ATAD2: variants seen among roughly 807,000 people sequenced by gnomAD.
ATAD2 encodes the protein ATPase family AAA domain-containing protein 2.
In ATAD2, 62 loss-of-function variants were observed where a neutral mutation model predicts 168.9. The observed-to-expected ratio is 0.37, with a 90% confidence interval of 0.30 to 0.45. ATAD2 has a LOEUF of 0.45. ATAD2 is among the 20% of genes least tolerant of loss of function. The probability of loss-of-function intolerance (pLI) is 1.00; values close to 1 mark genes in which losing one functional copy is unlikely to be tolerated. For synonymous variants in ATAD2, 613 were observed against 571.6 expected (o/e 1.07, Z -1.03); for missense variants, 1,419 against 1,667.8 (o/e 0.85, Z 2.60).
intron 2 of ATAD2, among the ~76,000 whole-genome samples, chr8:123,378,501 A>G (rs1292850355): frequency 6.6e-6 from 1 of 152,060 alleles, no homozygotes; most frequent in African/African-American, 2.4e-5. Flanking sequence ...CAGGAGTTCG[A>G]GACCAGCCTG....
intron 13 of ATAD2, 39 bp from the exon 14 acceptor site, chr8:123,349,483 G>T: frequency 6.4e-7 from 1 of 1,551,386 alleles, no homozygotes; most frequent in South Asian, 1.1e-5. Context: ...TTAATACTAT[G>T]AACACAGTCT....
intron 8 of ATAD2, among the ~76,000 whole-genome samples, chr8:123,368,007 G>A (rs1829031069): frequency 6.6e-6 from 1 of 151,766 alleles, no homozygotes; most frequent in Non-Finnish European, 1.5e-5. Context: ...TAATATTAAG[G>A]GAAAAAAATT....
intron 21 of ATAD2, among the ~76,000 whole-genome samples, chr8:123,337,081 G>A (rs564788519): frequency 2.0e-5 from 3 of 151,426 alleles, no homozygotes; most frequent in Admixed American, 2.0e-4. Context: ...AAAAAGGGGG[G>A]GCCGAGCATG....
At chr8:123,336,558 C>A in intron 21 of ATAD2, 26 bp from the exon 22 acceptor site, 1 of 1,472,918 alleles carries the variant, frequency 6.8e-7, no homozygotes, top group Non-Finnish European at 9.0e-7. Flanking sequence ...ATGATCAAAT[C>A]ACAAAATTAA....
intron 13 of ATAD2, among the ~76,000 whole-genome samples, chr8:123,350,835 C>G (rs1436178497): frequency 2.0e-5 from 3 of 152,076 alleles, no homozygotes; most frequent in Admixed American, 6.6e-5. Flanking sequence ...CGCCATTCTC[C>G]TGCCTCAGCC....
At chr8:123,393,865 C>A (rs7844363) in intron 1 of ATAD2, among the ~76,000 whole-genome samples, 1 of 151,980 alleles carries the variant, frequency 6.6e-6, no homozygotes, top group East Asian at 1.9e-4. Flanking sequence ...TGCAGCAAGC[C>A]GAGATCACGT....
At chr8:123,384,917 G>A (rs1829604399) in intron 1 of ATAD2, among the ~76,000 whole-genome samples, 1 of 152,142 alleles carries the variant, frequency 6.6e-6, no homozygotes, top group South Asian at 2.1e-4. Context: ...TTGGCGCTCA[G>A]AAGCCCACTA....
intron 1 of ATAD2, among the ~76,000 whole-genome samples, chr8:123,414,487 G>A (rs377673907): frequency 2.6e-5 from 4 of 152,296 alleles, no homozygotes; most frequent in African/African-American, 9.6e-5. Context: ...AGCTGCGCAC[G>A]GTGGTGCGTG....
chr8:123,333,231 CAAAAAAAAAAA>C (rs71310667), intron 24 of ATAD2, among the ~76,000 whole-genome samples: 16 of 43,992 alleles, frequency 3.6e-4, no homozygotes, highest in East Asian at 1.6e-3. Context: ...TCTAAAAATA[CAAAAAAAAAAA>C]AAAAAAAAAA....
At chr8:123,332,032 TTGTG>T (rs1827787738) in intron 24 of ATAD2, among the ~76,000 whole-genome samples, 1 of 152,242 alleles carries the variant, frequency 6.6e-6, no homozygotes, top group South Asian at 2.1e-4. Context: ...CGATCTGTGT[TTGTG>T]TGGTAAGTTT....
chr8:123,378,701 C>CAAAAAAAAAA (rs71808201), intron 2 of ATAD2, among the ~76,000 whole-genome samples: 15 of 73,018 alleles, frequency 2.1e-4, no homozygotes, highest in African/African-American at 3.5e-4. Context: ...GACTGTGTCT[C>CAAAAAAAAAA]AAAAAAAAAA....
At chr8:123,379,565 T>C (rs1829427918) in intron 2 of ATAD2, among the ~76,000 whole-genome samples, 1 of 144,308 alleles carries the variant, frequency 6.9e-6, no homozygotes, top group African/African-American at 2.6e-5. Context: ...CATACTAATT[T>C]TTTTTTTTTT....
At chr8:123,406,049 A>G (rs1345081179) in intron 1 of ATAD2, among the ~76,000 whole-genome samples, 3 of 152,190 alleles carry the variant, frequency 2.0e-5, no homozygotes, top group African/African-American at 7.2e-5. Context: ...TTTTGCTGTT[A>G]GAAGTCAGAA....
upstream of ATAD2, among the ~76,000 whole-genome samples, chr8:123,398,805 A>G (rs542572305): frequency 8.5e-5 from 13 of 152,258 alleles, no homozygotes; most frequent in Admixed American, 3.3e-4. Flanking sequence ...TGCCCAAACA[A>G]TTTTTCTGAT....
chr8:123,415,600 ATT>A (rs11306561), intron 1 of ATAD2, among the ~76,000 whole-genome samples: 53 of 149,996 alleles, frequency 3.5e-4, no homozygotes, highest in South Asian at 1.5e-3. Context: ...GATAAACACT[ATT>A]TTTTTTTTTT....
At chr8:123,359,551 CAT>C (rs771360969) in intron 10 of ATAD2, 24 bp downstream of exon 10, 4 of 1,544,640 alleles carry the variant, frequency 2.6e-6, no homozygotes, top group Non-Finnish European at 2.7e-6. Flanking sequence ...ATAGTTCAAG[CAT>C]ATGTTTCAAA....
intron 6 of ATAD2, among the ~76,000 whole-genome samples, chr8:123,370,570 T>C (rs970210019): frequency 1.3e-5 from 2 of 152,124 alleles, no homozygotes; most frequent in African/African-American, 2.4e-5. Context: ...TAAGTTCTAA[T>C]AGATTATGGT....
chr8:123,348,351 A>C, intron 14 of ATAD2, 78 bp from the exon 15 acceptor site: 1 of 1,142,674 alleles, frequency 8.8e-7, no homozygotes, highest in South Asian at 1.5e-5. Context: ...TGATTAAAAT[A>C]CTTTTGATTA....
rs545676974 is a variant in ATAD2 at position 123,371,768 on chromosome 8, A to G, written c.438T>C (p.His146=). 7.4e-6 allele frequency: 12 copies of G among 1,613,534 alleles called. No individual in the cohort carries two copies. The highest frequency in any genetic ancestry group is 2.2e-5 in the East Asian group (1 of 44,834). Residue 146 remains histidine, a synonymous_variant, in exon 4 of 28, where the codon CAT becomes CAC. Transcript: ENST00000287394. Reference sequence around the variant, plus strand: ...GCACTTCAACATCACCATTATCTTCATGTAAGTGTTCTGTACTTTGAACGA... The same window carrying G: ...GCACTTCAACATCACCATTATCTTCGTGTAAGTGTTCTGTACTTTGAACGA... ...RNIVQSTEHL[H]EDNGDVEVRR...
Sources: allele counts gnomAD v4.1 joint callset (sites outside exome capture counted in the v4.1 genomes callset), GRCh38; gene constraint gnomAD v4.1.1; transcripts MANE v1.5; gene names NCBI Gene and HGNC (gene_info 2026-07-23, HGNC 2026-07-21).